The following ARHGEF26 variants were observed in gnomAD, a reference collection of about 807,000 sequenced individuals.
ARHGEF26 encodes Rho guanine nucleotide exchange factor 26.
ARHGEF26 carries 59 observed loss-of-function variants against 89.4 expected under a neutral mutation model. The ratio of observed to expected loss-of-function variants is 0.66; its 90% CI spans 0.54 to 0.82. The LOEUF is 0.82. Ranked by LOEUF, ARHGEF26 falls within the 40% of genes least tolerant of loss-of-function variation. The pLI, the probability that ARHGEF26 is intolerant of heterozygous loss-of-function variation, is 0.00. For synonymous variants in ARHGEF26, 500 were observed against 428.4 expected (o/e 1.17, Z -2.06); for missense variants, 1,234 against 1,085.6 (o/e 1.14, Z -1.92).
At chr3:154,185,364 C>T (rs1308147031) in intron 6 of ARHGEF26, among the ~76,000 whole-genome samples, 1 of 152,156 alleles carries the variant, frequency 6.6e-6, no homozygotes, top group African/African-American at 2.4e-5. Context: ...ACCCACACTT[C>T]TCTTCTACTT....
At chr3:154,230,969 T>G (rs1395738675) in intron 11 of ARHGEF26, among the ~76,000 whole-genome samples, 1 of 152,172 alleles carries the variant, frequency 6.6e-6, no homozygotes, top group African/African-American at 2.4e-5. Context: ...GTTCCATTTT[T>G]TGCTTTTTCC....
intron 6 of ARHGEF26, among the ~76,000 whole-genome samples, chr3:154,183,353 G>T (rs1335364907): frequency 6.6e-6 from 1 of 152,048 alleles, no homozygotes; most frequent in Non-Finnish European, 1.5e-5. Flanking sequence ...TGAACATCTT[G>T]GTAATACTAC....
At chr3:154,199,692 G>C (rs1266364596) in intron 9 of ARHGEF26, among the ~76,000 whole-genome samples, 1 of 152,128 alleles carries the variant, frequency 6.6e-6, no homozygotes, top group Non-Finnish European at 1.5e-5. Flanking sequence ...CAGTGTATGA[G>C]GGTTCTCTTT....
chr3:154,246,750 G>A lies in ARHGEF26; in HGVS notation c.2300+6171G>A, dbSNP rs908850154. The stretch of plus-strand genomic sequence containing the variant: ...CCGATGTTGGCTTGGACCGTGATAT[G>A]TAGGAGGAGATAGAAATGTTATATT... On this transcript the variant is annotated intron_variant, in intron 12 of 14. Transcript: ENST00000465093. 2.6e-5 allele frequency among the ~76,000 whole-genome samples: 4 copies of A among 152,190 alleles called. No homozygotes were observed. In the East Asian group the frequency reaches 7.7e-4, roughly 29 times the overall value.
At chr3:154,235,265 T>G (rs1457482636) in intron 11 of ARHGEF26, among the ~76,000 whole-genome samples, 3 of 152,212 alleles carry the variant, frequency 2.0e-5, no homozygotes, top group Non-Finnish European at 2.9e-5. Flanking sequence ...AATTTGGGCC[T>G]TCTTCTAAAG....
At position 154,146,582 on chromosome 3, in the gene ARHGEF26, G is replaced by A. The variant is rs369214214; in HGVS notation, c.1270-2807G>A. On this transcript the variant is annotated intron_variant, in intron 4 of 14. Transcript: ENST00000465093. ...CAATTACTAATTTCTATCTCATTTCGACATGCAAAATATATCAGTTATAAA... is the reference window on the plus strand; with the variant it reads ...CAATTACTAATTTCTATCTCATTTCAACATGCAAAATATATCAGTTATAAA... 5.3e-4 allele frequency among the ~76,000 whole-genome samples: 81 copies of A among 152,104 alleles called. No individual in the cohort carries two copies. In the South Asian group the frequency reaches 0.016, roughly 30 times the overall value.
rs1718375737 is a variant in ARHGEF26, at chr3:154,254,718, A to T, written c.2369-2A>T. 3 of 1,613,450 alleles carry T rather than the reference A, an allele frequency of 1.9e-6. No homozygotes were observed. The highest frequency in any genetic ancestry group is 2.5e-6 in the Non-Finnish European group (3 of 1,179,604). On this transcript the variant is annotated splice_acceptor_variant, in intron 13 of 14. Coordinates refer to ENST00000465093, the MANE Select transcript of ARHGEF26 (RefSeq NM_015595.4). LOFTEE classifies it high-confidence loss of function. Reference sequence around the variant, plus strand: ...ACTTAGTATGTCCTCTTTTGGCCTCAGCACTGACCCAGGTGGAAATCGTTA... The same window carrying T: ...ACTTAGTATGTCCTCTTTTGGCCTCTGCACTGACCCAGGTGGAAATCGTTA...
In ARHGEF26 at chr3:154,122,029, A is replaced by G; in HGVS notation, c.37A>G (p.Ser13Gly). 6.3e-7 allele frequency: 1 copy of G among 1,599,268 alleles called. No homozygotes were observed. Among genetic ancestry groups the G allele is most frequent in the Admixed American group, 1.7e-5 (1 of 59,428 alleles). The change falls in exon 2 of 15, where the codon AGC (serine) becomes GGC (glycine). Residue 13 changes from serine to glycine, a missense_variant. By Grantham distance (56) the Ser-to-Gly change is moderately conservative. Coordinates refer to ENST00000465093, the MANE Select transcript of ARHGEF26 (RefSeq NM_015595.4). ...GAGCGAGGTGGATTTTTCTAGCAAC[A>G]GCATAACCCCTTTGTGGCGGAGGCG... ...GESEVDFSSN[S>G]ITPLWRRRSI...
intron 6 of ARHGEF26, among the ~76,000 whole-genome samples, chr3:154,161,238 A>G (rs142295204): frequency 4.9e-4 from 74 of 152,194 alleles, no homozygotes; most frequent in African/African-American, 1.6e-3. Context: ...GTTCAAATAC[A>G]TTATTATTAA....
chr3:154,190,004 T>C (rs1713847274), intron 7 of ARHGEF26, among the ~76,000 whole-genome samples: 2 of 152,132 alleles, frequency 1.3e-5, no homozygotes, highest in East Asian at 3.9e-4. Context: ...AACAAGATTA[T>C]TTAATTTTCA....
At chr3:154,227,789 CA>C (rs1203629878) in intron 11 of ARHGEF26, among the ~76,000 whole-genome samples, 1 of 152,014 alleles carries the variant, frequency 6.6e-6, no homozygotes, top group African/African-American at 2.4e-5. Flanking sequence ...CTCAGTAGAC[CA>C]AGAGCTTTAA....
At chr3:154,164,983 G>A (rs1354504054) in intron 6 of ARHGEF26, among the ~76,000 whole-genome samples, 5 of 152,142 alleles carry the variant, frequency 3.3e-5, no homozygotes, top group African/African-American at 9.7e-5. Flanking sequence ...TATCTAAGTG[G>A]CATTAAGGAT....
chr3:154,179,292 C>T (rs1013865876), intron 6 of ARHGEF26, among the ~76,000 whole-genome samples: 1 of 152,248 alleles, frequency 6.6e-6, no homozygotes, highest in Admixed American at 6.5e-5. Context: ...TTCACCAACA[C>T]ATTGGCTGGG....
At chr3:154,248,729 T>C (rs1717942894) in intron 12 of ARHGEF26, among the ~76,000 whole-genome samples, 1 of 152,192 alleles carries the variant, frequency 6.6e-6, no homozygotes, top group African/African-American at 2.4e-5. Context: ...AAGAAATAAT[T>C]GATTTAACTA....
intron 4 of ARHGEF26, among the ~76,000 whole-genome samples, chr3:154,144,930 C>T (rs1405894): frequency 0.21 from 32,211 of 152,112 alleles, 4,440 homozygotes; most frequent in East Asian, 0.47. Context: ...TGCTATTATC[C>T]TTCTACTTTT....
At chr3:154,131,961 A>G (rs571595884) in intron 4 of ARHGEF26, among the ~76,000 whole-genome samples, 16 of 152,340 alleles carry the variant, frequency 1.1e-4, no homozygotes, top group African/African-American at 3.8e-4. Flanking sequence ...ATATCATAGA[A>G]CTATCTTGTA....
At chr3:154,192,697 A>G in intron 8 of ARHGEF26, among the ~76,000 whole-genome samples, 1 of 152,242 alleles carries the variant, frequency 6.6e-6, no homozygotes, top group East Asian at 1.9e-4. Flanking sequence ...TTTGGTCCAT[A>G]TAAGGAAGTA....
chr3:154,145,470 G>A (rs1173991506), intron 4 of ARHGEF26, among the ~76,000 whole-genome samples: 1 of 152,130 alleles, frequency 6.6e-6, no homozygotes, highest in African/African-American at 2.4e-5. Flanking sequence ...AGCTCAGATG[G>A]GTGTTCAGTA....
chr3:154,170,890 A>G (rs988229599), intron 6 of ARHGEF26, among the ~76,000 whole-genome samples: 7 of 152,224 alleles, frequency 4.6e-5, no homozygotes, highest in Non-Finnish European at 4.4e-5. Context: ...ATGATTCATA[A>G]TTATCAGCTA....
Sources: allele counts gnomAD v4.1 joint callset (sites outside exome capture counted in the v4.1 genomes callset), GRCh38; gene constraint gnomAD v4.1.1; transcripts MANE v1.5; gene names NCBI Gene and HGNC (gene_info 2026-07-23, HGNC 2026-07-21).